The following NEU3 variants were observed in gnomAD, a reference collection of about 807,000 sequenced individuals.
NEU3 encodes the protein neuraminidase 3.
Under a neutral mutation model 11.4 loss-of-function variants are expected in NEU3, and 10 were observed. That is an observed-to-expected ratio of 0.88 (90% CI 0.54 to 1.49). NEU3 has a LOEUF of 1.49. Ranked by LOEUF, NEU3 falls within the 40% of genes most tolerant of loss-of-function variation. The probability of loss-of-function intolerance (pLI) is 0.00; values close to 1 mark genes in which losing one functional copy is unlikely to be tolerated. For synonymous variants in NEU3, 212 were observed against 228.2 expected (o/e 0.93, Z 0.64); for missense variants, 529 against 581.8 (o/e 0.91, Z 0.93).
chr11:74,987,004 AG>A (rs947653813), upstream of NEU3, among the ~76,000 whole-genome samples: 2 of 152,222 alleles, frequency 1.3e-5, no homozygotes, highest in Non-Finnish European at 2.9e-5. Context: ...GAAAGTAGGA[AG>A]GGAAGAAAAG....
chr11:75,009,433 T>A lies in NEU3; in HGVS notation c.*2941T>A, dbSNP rs1250698890. 1.3e-5 allele frequency: 2 copies of A among 152,184 alleles called. No homozygotes were observed. The highest frequency in any genetic ancestry group is 2.9e-5 in the Non-Finnish European group (2 of 68,070). 9.4% of individuals were successfully genotyped at this position (152,184 alleles called of 1,614,324 possible). ...CAAAGACAGCTATAGACACTCTAAC[T>A]CTGTGCCAATTACCCAAGGCCTTCA... On this transcript the variant is annotated 3_prime_UTR_variant, in exon 3 of 3. Transcript: ENST00000294064.
chr11:75,004,492 T>C, intron 2 of NEU3: 1 of 462,840 alleles, frequency 2.2e-6, no homozygotes. Flanking sequence ...ATCTTGCCCT[T>C]TGCCCATTTC....
chr11:74,992,731 G>C (rs781266725), intron 1 of NEU3, among the ~76,000 whole-genome samples: 9 of 152,182 alleles, frequency 5.9e-5, no homozygotes, highest in Non-Finnish European at 1.0e-4. Flanking sequence ...AGGCCAAGGT[G>C]GGTGGATCAC....
intron 3 of NEU3, among the ~76,000 whole-genome samples, chr11:75,016,589 T>C (rs1948982483): frequency 6.6e-6 from 1 of 152,214 alleles, no homozygotes; most frequent in Non-Finnish European, 1.5e-5. Flanking sequence ...GGGACTTAAG[T>C]ATTTGTTGAA....
intron 3 of NEU3, among the ~76,000 whole-genome samples, chr11:75,015,993 T>C (rs1462976568): frequency 2.0e-5 from 3 of 152,322 alleles, no homozygotes; most frequent in East Asian, 1.9e-4. Flanking sequence ...GAGGACTGGA[T>C]AGTCTGTGGA....
intron 2 of NEU3, among the ~76,000 whole-genome samples, chr11:75,000,776 A>AATTT (rs61008511): frequency 0.5 from 67,196 of 134,178 alleles, 17,359 homozygotes; most frequent in East Asian, 0.6. Context: ...ATACCCAGCT[A>AATTT]ATTTATTTAT....
chr11:74,981,281 C>T, the NEU3 span, among the ~76,000 whole-genome samples: 2 of 152,328 alleles, frequency 1.3e-5, no homozygotes, highest in South Asian at 2.1e-4. Context: ...TTGGTTAATA[C>T]TGTCAAAGGT....
intron 2 of NEU3, among the ~76,000 whole-genome samples, chr11:74,998,826 G>C (rs1164384125): frequency 6.6e-6 from 1 of 152,194 alleles, no homozygotes; most frequent in African/African-American, 2.4e-5. Flanking sequence ...CCCAGGACCA[G>C]ACTTCTGCAT....
rs752351922 is a variant in NEU3 at position 74,989,036 on chromosome 11, C to T, written c.-25C>T. 1 of 1,535,116 alleles carries T rather than the reference C, an allele frequency of 6.5e-7. No individual in the cohort carries two copies. Among genetic ancestry groups the T allele is most frequent in the Non-Finnish European group, 8.8e-7 (1 of 1,133,970 alleles). ...GTCTCAGTCTCCCCAGCCTTGGGGC[C>T]GGTGCCTCTTCCGGGCTTCGGCGAA... On this transcript the variant is annotated 5_prime_UTR_variant, in exon 1 of 3. Coordinates refer to ENST00000294064, the MANE Select transcript of NEU3 (RefSeq NM_006656.6).
At chr11:74,984,359 G>T (rs564983190), upstream of NEU3, among the ~76,000 whole-genome samples, 1 of 152,110 alleles carries the variant, frequency 6.6e-6, no homozygotes, top group Admixed American at 6.6e-5. Context: ...CTCCTTTAAG[G>T]CACTTCATTA....
At chr11:75,013,218 A>G (rs764428305), downstream of NEU3, among the ~76,000 whole-genome samples, 8 of 152,208 alleles carry the variant, frequency 5.3e-5, no homozygotes, top group Non-Finnish European at 1.2e-4. Context: ...ATTCAGCTCT[A>G]TCATGAGCAC....
At chr11:75,013,289 A>G (rs1245014427), downstream of NEU3, among the ~76,000 whole-genome samples, 1 of 152,160 alleles carries the variant, frequency 6.6e-6, no homozygotes, top group Non-Finnish European at 1.5e-5. Flanking sequence ...GTGAATCCTC[A>G]AAAGGGTTTA....
chr11:74,987,078 C>T (rs1461749964), upstream of NEU3, among the ~76,000 whole-genome samples: 2 of 152,150 alleles, frequency 1.3e-5, no homozygotes, highest in Non-Finnish European at 2.9e-5. Context: ...TCATTAAATT[C>T]ATTTTGTCAT....
chr11:74,989,888 G>A (rs1948711531), intron 1 of NEU3: 6 of 683,952 alleles, frequency 8.8e-6, no homozygotes, highest in South Asian at 1.5e-5. Flanking sequence ...CGAGCAGCAA[G>A]TAATCATTTG....
chr11:74,985,470 T>A (rs562951785), upstream of NEU3, among the ~76,000 whole-genome samples: 2 of 152,182 alleles, frequency 1.3e-5, no homozygotes, highest in South Asian at 4.1e-4. Context: ...ATTTTTTAAT[T>A]TTATTTTTAC....
chr11:74,983,119 A>C, the NEU3 span, among the ~76,000 whole-genome samples: 2 of 152,188 alleles, frequency 1.3e-5, no homozygotes, highest in East Asian at 3.8e-4. Context: ...TTTCTAGAAG[A>C]GAAAGGACAA....
intron 3 of NEU3, among the ~76,000 whole-genome samples, chr11:75,017,208 C>T (rs1009073202): frequency 6.6e-6 from 1 of 152,192 alleles, no homozygotes; most frequent in Admixed American, 6.5e-5. Flanking sequence ...TATCCCAGTG[C>T]TTCAGGCATT....
At chr11:75,000,828 G>T (rs1239670261) in intron 2 of NEU3, among the ~76,000 whole-genome samples, 1 of 148,554 alleles carries the variant, frequency 6.7e-6, no homozygotes, top group Non-Finnish European at 1.5e-5. Flanking sequence ...TTGTAGAAAT[G>T]GGGTTTCAGT....
At chr11:74,990,179 C>T (rs564781015) in intron 1 of NEU3, 1 of 608,864 alleles carries the variant, frequency 1.6e-6, no homozygotes, top group South Asian at 2.0e-5. Flanking sequence ...TTGAGTGGTT[C>T]TTCATATTGA....
Sources: allele counts gnomAD v4.1 joint callset (sites outside exome capture counted in the v4.1 genomes callset), GRCh38; gene constraint gnomAD v4.1.1; transcripts MANE v1.5; gene names NCBI Gene and HGNC (gene_info 2026-07-23, HGNC 2026-07-21).